ZFPM1: variants seen among roughly 807,000 people sequenced by gnomAD.
The protein encoded by ZFPM1 is zinc finger protein ZFPM1.
In ZFPM1, 28 loss-of-function variants were observed where a neutral mutation model predicts 46.3. That is an observed-to-expected ratio of 0.60 (90% confidence interval 0.45 to 0.83). The LOEUF is 0.83. ZFPM1 is among the 40% of genes least tolerant of loss of function. The probability of loss-of-function intolerance (pLI) is 0.00; values close to 1 mark genes in which losing one functional copy is unlikely to be tolerated. For synonymous variants in ZFPM1, 957 were observed against 675.9 expected (o/e 1.42, Z -6.45); for missense variants, 1,878 against 1,432.4 (o/e 1.31, Z -5.02).
rs1160790663 is a variant in ZFPM1, at chr16:88,533,815, C to T, written c.1857C>T (p.Pro619=). Residue 619 remains proline, a synonymous_variant, in exon 10 of 10, where the codon CCC becomes CCT. Coordinates refer to ENST00000319555, the MANE Select transcript of ZFPM1 (RefSeq NM_153813.3). ...APAARRPKAP[P]GPARAPPGQP... ...CCGCGCGCAGGCCCAAGGCGCCCCC[C>T]GGCCCGGCCCGCGCGCCCCCCGGCC... 2 of 1,035,974 alleles carry T rather than the reference C, an allele frequency of 1.9e-6. No individual in the cohort carries two copies. The highest frequency in any genetic ancestry group is 7.8e-5 in the East Asian group (1 of 12,864). The allele number at this position is 1,035,974 out of a possible 1,614,324, so 64.2% of individuals were successfully genotyped here.
chr16:88,521,097 G>A (rs1318003452), intron 4 of ZFPM1, among the ~76,000 whole-genome samples: 2 of 151,220 alleles, frequency 1.3e-5, no homozygotes, highest in Admixed American at 6.6e-5. Flanking sequence ...GTGGGTGGGT[G>A]GATGATGGAC....
intron 3 of ZFPM1, among the ~76,000 whole-genome samples, chr16:88,494,396 C>T (rs1022847428): frequency 1.3e-5 from 2 of 152,120 alleles, no homozygotes; most frequent in Admixed American, 1.3e-4. Context: ...GGAAGGGATC[C>T]ACCAGTGGGG....
At chr16:88,506,730 C>T (rs1910682138) in intron 3 of ZFPM1, among the ~76,000 whole-genome samples, 1 of 151,408 alleles carries the variant, frequency 6.6e-6, no homozygotes. Flanking sequence ...AGACCCAGCC[C>T]TCCTGCAAGG....
chr16:88,528,745 G>GT (rs34339698), intron 6 of ZFPM1, among the ~76,000 whole-genome samples: 248 of 151,906 alleles, frequency 1.6e-3, no homozygotes, highest in African/African-American at 5.7e-3. Flanking sequence ...GGTTTTTGTT[G>GT]TTTTTTTTTC....
chr16:88,517,697 G>A (rs1911433127), intron 4 of ZFPM1, among the ~76,000 whole-genome samples: 2 of 151,026 alleles, frequency 1.3e-5, no homozygotes, highest in Admixed American at 6.6e-5. Context: ...TAGATGTATG[G>A]GTGGATGGAT....
chr16:88,527,982 C>G (rs1912478069), intron 5 of ZFPM1, 50 bp from the exon 6 acceptor site: 3 of 1,478,192 alleles, frequency 2.0e-6, no homozygotes, highest in Non-Finnish European at 2.7e-6. Flanking sequence ...TAAGACGGGA[C>G]AGGGAAGTGG....
chr16:88,465,049 G>A (rs1035746017), intron 1 of ZFPM1, among the ~76,000 whole-genome samples: 1 of 151,838 alleles, frequency 6.6e-6, no homozygotes, highest in East Asian at 1.9e-4. Flanking sequence ...AGGAGGGTGA[G>A]GAGGATGGGG....
chr16:88,456,387 G>A (rs1157946573), intron 1 of ZFPM1, among the ~76,000 whole-genome samples: 1 of 151,552 alleles, frequency 6.6e-6, no homozygotes. Context: ...ACTGCTTGGA[G>A]TTTTCTTGAA....
At chr16:88,483,040 G>A (rs546748801) in intron 1 of ZFPM1, among the ~76,000 whole-genome samples, 138 of 152,266 alleles carry the variant, frequency 9.1e-4, no homozygotes, top group Admixed American at 1.6e-3. Context: ...GTCAGGGGTG[G>A]CCCAGCCTGC....
rs371803398 is a variant in ZFPM1, at chr16:88,518,066, A to G, written c.402+3546A>G. Among the ~76,000 whole-genome samples the G allele has an allele frequency of 1.7e-3, 265 of 152,228 alleles. 9 individuals carry two copies. The South Asian group carries it at 0.053, about 31-fold the overall frequency. ...TCTATTAAAAAAAAATTAGCCGGGCATGGTGGCGGGCGCCTGTAGCCCCAG... is the reference window on the plus strand; with the variant it reads ...TCTATTAAAAAAAAATTAGCCGGGCGTGGTGGCGGGCGCCTGTAGCCCCAG... On this transcript the variant is annotated intron_variant, in intron 4 of 9. Transcript: ENST00000319555.
intron 1 of ZFPM1, among the ~76,000 whole-genome samples, chr16:88,483,196 G>T (rs983673883): frequency 6.6e-6 from 1 of 152,088 alleles, no homozygotes; most frequent in Non-Finnish European, 1.5e-5. Flanking sequence ...GTCCCAGCTA[G>T]AGCCCCAAAG....
intron 3 of ZFPM1, among the ~76,000 whole-genome samples, chr16:88,512,256 A>C (rs1000950989): frequency 6.6e-6 from 1 of 152,136 alleles, no homozygotes; most frequent in Non-Finnish European, 1.5e-5. Context: ...GCAGGGGACA[A>C]GTGAGAGCCC....
chr16:88,475,530 C>A (rs1908641245), intron 1 of ZFPM1, among the ~76,000 whole-genome samples: 1 of 151,660 alleles, frequency 6.6e-6, no homozygotes, highest in South Asian at 2.1e-4. Context: ...GGGAGCACAG[C>A]CAAGAAAAAG....
At position 88,532,832 on chromosome 16, in the gene ZFPM1, C is replaced by A; in HGVS notation, c.1086C>A (p.Ile362=). ...SCGFISTTRD[I]LYSHLVTNHM... ...GCTTCATCTCCACCACAAGGGACAT[C>A]CTCTACAGCCACTTGGTCACCAACC... The change falls in exon 9 of 10, where the codon ATC becomes ATA. Residue 362 remains isoleucine, a synonymous_variant. Transcript: ENST00000319555. 3 of 1,613,432 alleles carry A rather than the reference C, an allele frequency of 1.9e-6. No individual in the cohort carries two copies. The highest frequency in any genetic ancestry group is 1.1e-5 in the South Asian group (1 of 91,088).
At position 88,532,221 on chromosome 16, in the gene ZFPM1, T is replaced by C; in HGVS notation, c.932T>C (p.Met311Thr). ...CPSASSLEIH[M>T]RSHSGERPFV... ...AGCGCCAGCTCCCTGGAGATCCACA[T>C]GCGCAGCCACAGCGGTGAGCCCCCA... is the stretch of plus-strand genomic sequence containing the variant. Residue 311 changes from methionine (M) to threonine (T), a missense_variant, in exon 7 of 10, where the codon ATG becomes ACG. Met to Thr is a moderately conservative substitution (Grantham distance 81, BLOSUM62 -1). Transcript: ENST00000319555. The C allele has an allele frequency of 6.2e-7, 1 of 1,604,274 alleles. No homozygotes were observed. Among genetic ancestry groups the C allele is most frequent in the Non-Finnish European group, 8.5e-7 (1 of 1,173,786 alleles).
chr16:88,479,831 C>A (rs1234021338), intron 1 of ZFPM1, among the ~76,000 whole-genome samples: 1 of 141,962 alleles, frequency 7.0e-6, no homozygotes, highest in South Asian at 2.5e-4. Context: ...GTGCCCCTCT[C>A]CGCTCCCCTC....
chr16:88,532,801 G>C lies in ZFPM1; in HGVS notation c.1055G>C (p.Ser352Thr), dbSNP rs142699447. Residue 352 changes from serine to threonine, a missense_variant, in exon 9 of 10, where the codon AGC becomes ACC. Ser to Thr is a moderately conservative substitution (Grantham distance 58, BLOSUM62 1). Coordinates refer to ENST00000319555, the MANE Select transcript of ZFPM1 (RefSeq NM_153813.3). Reference protein sequence around the residue: ...HTDTLSGVCHSCGFISTTRDI... With the variant: ...HTDTLSGVCHTCGFISTTRDI... ...CCATGGCCCACAGGTGTCTGCCACAGCTGTGGCTTCATCTCCACCACAAGG... is the reference window on the plus strand; with the variant it reads ...CCATGGCCCACAGGTGTCTGCCACACCTGTGGCTTCATCTCCACCACAAGG... The C allele has an allele frequency of 2.0e-5, 32 of 1,613,276 alleles. No homozygotes were observed. In the African/African-American group the frequency reaches 4.1e-4, roughly 21 times the overall value.
intron 3 of ZFPM1, among the ~76,000 whole-genome samples, chr16:88,507,669 GC>G (rs918028135): frequency 1.3e-5 from 2 of 152,228 alleles, no homozygotes; most frequent in Admixed American, 1.3e-4. Flanking sequence ...TCCAGCTCCG[GC>G]AGATGTGGGC....
At chr16:88,502,744 G>T (rs189588164) in intron 3 of ZFPM1, among the ~76,000 whole-genome samples, 26 of 152,360 alleles carry the variant, frequency 1.7e-4, no homozygotes, top group Admixed American at 1.4e-3. Context: ...AAATCATCCC[G>T]GCATGGGCGG....
Sources: allele counts gnomAD v4.1 joint callset (sites outside exome capture counted in the v4.1 genomes callset), GRCh38; gene constraint gnomAD v4.1.1; transcripts MANE v1.5; gene names NCBI Gene and HGNC (gene_info 2026-07-23, HGNC 2026-07-21).